The following ZYG11A variants were observed in gnomAD, a reference collection of about 807,000 sequenced individuals.
ZYG11A encodes protein zyg-11 homolog A.
A neutral mutation model predicts 77.2 loss-of-function variants in ZYG11A; 62 were observed. The ratio of observed to expected loss-of-function variants is 0.80; its 90% CI spans 0.65 to 0.99. The LOEUF (loss-of-function observed/expected upper bound fraction) is 0.99, where lower values mean the gene tolerates loss of function less well. Among genes scored for constraint, ZYG11A ranks in the 50% least tolerant of loss-of-function variants. The probability of loss-of-function intolerance (pLI) is 0.00; values close to 1 mark genes in which losing one functional copy is unlikely to be tolerated. For missense variants in ZYG11A, 828 were observed against 896.8 expected (o/e 0.92, Z 0.98); for synonymous variants, 315 against 324.6 (o/e 0.97, Z 0.32).
At position 52,893,041 on chromosome 1, in the gene ZYG11A, A is replaced by T. The variant is rs945871157; in HGVS notation, c.*84A>T. ...GTAATTGCACATCAGTTGTCATTGG[A>T]GTTTGTGAGTTGGCTGTCTCATTGG... On this transcript the variant is annotated 3_prime_UTR_variant, in exon 14 of 14. Transcript: ENST00000371528. 2.4e-6 allele frequency: 3 copies of T among 1,241,304 alleles called. No homozygotes were observed. The highest frequency in any genetic ancestry group is 3.3e-6 in the Non-Finnish European group (3 of 904,526). The allele number at this position is 1,241,304 out of a possible 1,614,324, so 76.9% of individuals were successfully genotyped here. A position where few individuals can be genotyped will look rare whatever the true frequency, so the allele number is the denominator to read the frequency against.
chr1:52,850,441 C>T (rs1436177936), intron 1 of ZYG11A, among the ~76,000 whole-genome samples: 1 of 151,980 alleles, frequency 6.6e-6, no homozygotes, highest in Non-Finnish European at 1.5e-5. Context: ...GCCTCAGCCT[C>T]CCAAATAGCT....
rs1646570378 is a variant in ZYG11A at position 52,892,898 on chromosome 1, G to T, written c.2221G>T (p.Asp741Tyr). 1 of 1,551,670 alleles carries T rather than the reference G, an allele frequency of 6.4e-7. No individual in the cohort carries two copies. Among genetic ancestry groups the T allele is most frequent in the Non-Finnish European group, 8.7e-7 (1 of 1,146,966 alleles). The change falls in exon 14 of 14, where the codon GAC becomes TAC. Residue 741 changes from aspartate (D) to tyrosine (Y), a missense_variant. Transcript: ENST00000371528. ...AQQIAASILDDFRMHFMNYQR... is the reference protein window; with the variant it reads ...AQQIAASILDYFRMHFMNYQR... ...GCAGATTGCAGCCTCCATTCTGGAT[G>T]ACTTCAGAATGCATTTCATGAATTA...
intron 3 of ZYG11A, among the ~76,000 whole-genome samples, chr1:52,859,929 T>C (rs1218310551): frequency 6.6e-6 from 1 of 152,096 alleles, no homozygotes; most frequent in East Asian, 1.9e-4. Context: ...CTGCCCACTT[T>C]GGCCTCCCAA....
In ZYG11A at chr1:52,893,635, G is replaced by A. The variant is rs1292540785; in HGVS notation, c.*678G>A. The A allele has an allele frequency of 6.6e-6, 1 of 151,710 alleles. No homozygotes were observed. Among genetic ancestry groups the A allele is most frequent in the African/African-American group, 2.4e-5 (1 of 41,306 alleles). 9.4% of individuals were successfully genotyped at this position (151,710 alleles called of 1,614,324 possible). ...ACAAAAATTAGCTGAGCGTGGTGGT[G>A]TGCACCTTTACTCCTAGCTACTTGG... is the stretch of plus-strand genomic sequence containing the variant. On this transcript the variant is annotated 3_prime_UTR_variant, in exon 14 of 14. Coordinates refer to ENST00000371528, the MANE Select transcript of ZYG11A (RefSeq NM_001004339.3).
chr1:52,872,917 AG>A (rs1646196166), intron 8 of ZYG11A, among the ~76,000 whole-genome samples: 1 of 151,624 alleles, frequency 6.6e-6, no homozygotes, highest in Non-Finnish European at 1.5e-5. Context: ...AAAGAAAGAA[AG>A]AAAAAAGAAA....
intron 8 of ZYG11A, among the ~76,000 whole-genome samples, chr1:52,874,397 A>G (rs1306322928): frequency 6.6e-6 from 1 of 151,564 alleles, no homozygotes; most frequent in Non-Finnish European, 1.5e-5. Context: ...GGTGCATATC[A>G]CTACACCCAG....
In ZYG11A at chr1:52,857,336, G is replaced by T; in HGVS notation, c.595G>T (p.Ala199Ser). 6.4e-7 allele frequency: 1 copy of T among 1,551,754 alleles called. No homozygotes were observed. The highest frequency in any genetic ancestry group is 2.4e-5 in the East Asian group (1 of 40,932). The change falls in exon 3 of 14, where the codon GCT (alanine) becomes TCT (serine). Residue 199 changes from alanine to serine, a missense_variant. Coordinates refer to ENST00000371528, the MANE Select transcript of ZYG11A (RefSeq NM_001004339.3). ...TGTTTGTTTTCATACTGAAGACCTGGCTAATGTTTCTCAGTTACCAAGACT... is the reference window on the plus strand; with the variant it reads ...TGTTTGTTTTCATACTGAAGACCTGTCTAATGTTTCTCAGTTACCAAGACT... ...FNVCFHTEDL[A>S]NVSQLPRLES...
At chr1:52,874,103 TGATCACCATCTTGA>T (rs777773523) in intron 8 of ZYG11A, among the ~76,000 whole-genome samples, 98,812 of 151,996 alleles carry the variant, frequency 0.65, 33,275 homozygotes, top group African/African-American at 0.79. Context: ...CACCCCATCC[TGATCACCATCTTGA>T]TCAGTCGGCC....
intron 10 of ZYG11A, among the ~76,000 whole-genome samples, chr1:52,879,409 G>A (rs1478656897): frequency 3.3e-5 from 5 of 152,178 alleles, no homozygotes; most frequent in Non-Finnish European, 7.3e-5. Context: ...TGGAGGGACT[G>A]TGCCTTATCT....
intron 13 of ZYG11A, 39 bp downstream of exon 13, chr1:52,887,092 C>A: frequency 8.5e-7 from 1 of 1,183,222 alleles, no homozygotes; most frequent in Non-Finnish European, 1.2e-6. Flanking sequence ...AATAGTTTTC[C>A]AGCTATTTTT....
chr1:52,872,965 C>G (rs1446916384), intron 8 of ZYG11A, among the ~76,000 whole-genome samples: 8 of 151,508 alleles, frequency 5.3e-5, no homozygotes, highest in Admixed American at 1.3e-4. Flanking sequence ...GGTAGGAATT[C>G]CCCTGATGAA....
intron 1 of ZYG11A, among the ~76,000 whole-genome samples, chr1:52,853,574 C>T (rs565324146): frequency 1.3e-5 from 2 of 152,286 alleles, no homozygotes; most frequent in East Asian, 3.9e-4. Flanking sequence ...TCTGTATTTT[C>T]AGTGGCTAGC....
intron 8 of ZYG11A, among the ~76,000 whole-genome samples, chr1:52,877,391 T>TA (rs1646280327): frequency 6.6e-6 from 1 of 152,218 alleles, no homozygotes; most frequent in South Asian, 2.1e-4. Flanking sequence ...AGGTGTTGAC[T>TA]AAGTGTTCTA....
At chr1:52,851,178 G>A (rs1306077672) in intron 1 of ZYG11A, among the ~76,000 whole-genome samples, 3 of 151,866 alleles carry the variant, frequency 2.0e-5, no homozygotes, top group Non-Finnish European at 2.9e-5. Flanking sequence ...CCAGGTAGCT[G>A]GGACTCAGGC....
intron 3 of ZYG11A, among the ~76,000 whole-genome samples, chr1:52,859,057 TTTAATTAA>T (rs377502539): frequency 6.6e-6 from 1 of 152,164 alleles, no homozygotes; most frequent in African/African-American, 2.4e-5. Flanking sequence ...ATTGTTGTAT[TTTAATTAA>T]TTAATTAATT....
intron 1 of ZYG11A, among the ~76,000 whole-genome samples, chr1:52,851,871 C>G (rs1294994554): frequency 6.6e-6 from 1 of 151,450 alleles, no homozygotes; most frequent in Admixed American, 6.6e-5. Context: ...CCTCAGCCTC[C>G]TGAGTAGCTG....
At chr1:52,885,452 C>T (rs1167021105) in intron 11 of ZYG11A, among the ~76,000 whole-genome samples, 4 of 151,970 alleles carry the variant, frequency 2.6e-5, no homozygotes, top group African/African-American at 7.3e-5. Context: ...GATCCGCCCG[C>T]CTTGGCCTCC....
intron 4 of ZYG11A, among the ~76,000 whole-genome samples, chr1:52,863,027 A>G (rs754983299): frequency 2.0e-5 from 3 of 152,086 alleles, no homozygotes; most frequent in Non-Finnish European, 2.9e-5. Flanking sequence ...ATTTCTTTTC[A>G]TACCAGGATT....
chr1:52,887,386 T>A (rs1448431440), intron 13 of ZYG11A, among the ~76,000 whole-genome samples: 1 of 152,146 alleles, frequency 6.6e-6, no homozygotes, highest in Non-Finnish European at 1.5e-5. Context: ...ATATGAAATA[T>A]ATTTTTTAAC....
Sources: gnomAD v4.1 joint callset for allele counts (sites outside exome capture counted in the v4.1 genomes callset) on GRCh38, gnomAD v4.1.1 for gene constraint, MANE v1.5 for transcripts, NCBI Gene and HGNC (gene_info 2026-07-23, HGNC 2026-07-21) for gene names.